Variants in PIAS4 observed in about 807,000 individuals in gnomAD.
PIAS4 encodes protein inhibitor of activated STAT 4.
PIAS4 carries 7 observed loss-of-function variants against 58.0 expected under a neutral mutation model. That is an observed-to-expected ratio of 0.12 (90% CI 0.07 to 0.23). The LOEUF (loss-of-function observed/expected upper bound fraction) is 0.23, where lower values mean the gene tolerates loss of function less well. PIAS4 is among the 10% of genes least tolerant of loss of function. The pLI, the probability that PIAS4 is intolerant of heterozygous loss-of-function variation, is 1.00. For synonymous variants in PIAS4, 364 were observed against 312.4 expected, an observed-to-expected ratio of 1.17 and a Z score of -1.74; for missense variants, 550 against 709.5, an observed-to-expected ratio of 0.78 and a Z score of 2.55.
At position 4,037,869 on chromosome 19, in the gene PIAS4, C is replaced by A. The variant is rs751420635; in HGVS notation, c.1527C>A (p.Ala509=). The A allele has an allele frequency of 4.5e-6, 7 of 1,566,058 alleles. No individual in the cohort carries two copies. In the African/African-American group the frequency reaches 9.4e-5, roughly 21 times the overall value. The change falls in exon 11 of 11, where the codon GCC becomes GCA. Residue 509 remains alanine (A), a synonymous_variant. Transcript: ENST00000262971. This position sits in a 1 kb window ranked among gnomAD's most constrained non-coding sequence, Gnocchi z 5.8. ...RCPFQKGLVP[A]C is the part of the protein sequence containing the mutation. ...CCTTCCAGAAGGGCCTGGTGCCGGC[C>A]TGCTGACCCCGGCCGCACACTCGAC...
In PIAS4 at chr19:4,013,094, G is replaced by A. The variant is rs553988056; in HGVS notation, c.199G>A (p.Ala67Thr). The A allele has an allele frequency of 2.9e-5, 46 of 1,613,394 alleles. No individual in the cohort carries two copies. The highest frequency in any genetic ancestry group is 1.6e-4 in the Middle Eastern group (1 of 6,062). The part of the protein sequence containing the change: ...KIKELYETRY[A>T]KKNSEPAPQP... ...CAAGGAGCTGTACGAGACCCGCTAC[G>A]CCAAGAAGAACTCGGAGCCTGCCCC... Residue 67 changes from alanine to threonine, a missense_variant, in exon 2 of 11, where the codon GCC becomes ACC. Ala to Thr is a moderately conservative substitution (Grantham distance 58). This residue lies in a region of PIAS4 where 95 missense variants were observed against 87.5 expected (regional missense o/e 1.09). Coordinates refer to ENST00000262971, the MANE Select transcript of PIAS4 (RefSeq NM_015897.4). The surrounding 1 kb of genome is among the most constrained non-coding windows in gnomAD (Gnocchi z 5.1).
At chr19:4,028,251 C>T in intron 4 of PIAS4, 64 bp downstream of exon 4, 1 of 1,396,830 alleles carries the variant, frequency 7.2e-7, no homozygotes, top group Non-Finnish European at 9.9e-7. Context: ...TCCCCGCCCC[C>T]CAGTCCTGGC....
At chr19:4,033,355 G>T in intron 8 of PIAS4, 65 bp from the exon 9 acceptor site, 1 of 1,463,944 alleles carries the variant, frequency 6.8e-7, no homozygotes, top group Non-Finnish European at 9.2e-7. Context: ...AGCTGGGGGT[G>T]AGGGGCACCG....
At chr19:4,026,030 T>C (rs1225052005) in intron 3 of PIAS4, among the ~76,000 whole-genome samples, 4 of 126,992 alleles carry the variant, frequency 3.1e-5, no homozygotes, top group Non-Finnish European at 6.3e-5. Flanking sequence ...GCCGAGATCC[T>C]GCCACTGCAC....
Position 4,013,537 on chromosome 19 carries a change from C to T in PIAS4, c.454+188C>T, listed in dbSNP as rs1317300145. Among the ~76,000 whole-genome samples the T allele has an allele frequency of 6.6e-6, 1 of 152,192 alleles. No homozygotes were observed. The highest frequency in any genetic ancestry group is 1.5e-5 in the Non-Finnish European group (1 of 68,026). ...CATCTTTGATATTGGTCACCCCTTG[C>T]TGTGTTACAAGTTACCCCGAAATGG... is the stretch of plus-strand genomic sequence containing the variant. On this transcript the variant is annotated intron_variant, in intron 2 of 10. Coordinates refer to ENST00000262971, the MANE Select transcript of PIAS4 (RefSeq NM_015897.4). The surrounding 1 kb of genome is among the most constrained non-coding windows in gnomAD (Gnocchi z 5.1).
In PIAS4 at chr19:4,028,660, G is replaced by A. The variant is rs1289773016; in HGVS notation, c.672+60G>A. On this transcript the variant is annotated intron_variant, in intron 5 of 10. Transcript: ENST00000262971. Reference sequence around the variant, plus strand: ...GTTTGGGGGGCGTGGAGGGAGGGTGGGGGCCGTCGGATTTCCCAGCCGCTC... The same window carrying A: ...GTTTGGGGGGCGTGGAGGGAGGGTGAGGGCCGTCGGATTTCCCAGCCGCTC... 7.5e-6 allele frequency: 12 copies of A among 1,604,432 alleles called. No homozygotes were observed. The African/African-American group carries it at 1.5e-4, about 20-fold the overall frequency.
At chr19:4,016,010 G>A (rs1048508421) in intron 2 of PIAS4, among the ~76,000 whole-genome samples, 4 of 152,218 alleles carry the variant, frequency 2.6e-5, no homozygotes, top group South Asian at 4.1e-4. Flanking sequence ...AGAACAGTGC[G>A]GAGAACGGCC....
chr19:4,033,631 T>A, intron 9 of PIAS4, 51 bp downstream of exon 9: 1 of 1,482,686 alleles, frequency 6.7e-7, no homozygotes, highest in Non-Finnish European at 9.1e-7. Flanking sequence ...TCCGTGGAGG[T>A]CTCGGTGGCA....
rs2040305907 is a variant in PIAS4, at chr19:4,037,081, C to A, written c.1143-293C>A. Among the ~76,000 whole-genome samples the A allele has an allele frequency of 6.6e-6, 1 of 152,252 alleles. No homozygotes were observed. The highest frequency in any genetic ancestry group is 1.5e-5 in the Non-Finnish European group (1 of 68,042). On this transcript the variant is annotated intron_variant, in intron 9 of 10. Coordinates refer to ENST00000262971, the MANE Select transcript of PIAS4 (RefSeq NM_015897.4). The surrounding 1 kb of genome is among the most constrained non-coding windows in gnomAD (Gnocchi z 5.8). ...GGCAGGGTGGGGAGGACCCCTGCAGCTGCCACACTCCCTGCTCTTGTGGGT... is the reference window on the plus strand; with the variant it reads ...GGCAGGGTGGGGAGGACCCCTGCAGATGCCACACTCCCTGCTCTTGTGGGT...
intron 7 of PIAS4, among the ~76,000 whole-genome samples, chr19:4,031,392 C>T (rs1401564070): frequency 6.6e-6 from 1 of 152,088 alleles, no homozygotes; most frequent in Non-Finnish European, 1.5e-5. Flanking sequence ...CTTGGCCAGC[C>T]TCCTCCAGGC....
rs566124258 is a variant in PIAS4 at position 4,028,095 on chromosome 19, C to T, written c.540-51C>T. On this transcript the variant is annotated intron_variant, in intron 3 of 10. Transcript: ENST00000262971. The stretch of plus-strand genomic sequence containing the variant: ...TTGTCGGGTGGGCTGGGGTCACGCC[C>T]TCCTCACTCAGCTCTCCTTTCCTTT... 3.2e-6 allele frequency: 5 copies of T among 1,585,432 alleles called. No individual in the cohort carries two copies. In the East Asian group the frequency reaches 1.1e-4, roughly 35 times the overall value.
At chr19:4,009,279 C>T (rs1400411203) in intron 1 of PIAS4, among the ~76,000 whole-genome samples, 3 of 152,170 alleles carry the variant, frequency 2.0e-5, no homozygotes, top group African/African-American at 4.8e-5. Flanking sequence ...CTCTCTTCGC[C>T]TCCCAACCCT....
At position 4,036,130 on chromosome 19, in the gene PIAS4, CCGT is replaced by C. The variant is rs1280456679; in HGVS notation, c.1143-1242_1143-1240del. Among the ~76,000 whole-genome samples, 8 of 131,158 alleles carry C rather than the reference CCGT, an allele frequency of 6.1e-5. 1 individual carries two copies. Among genetic ancestry groups the C allele is most frequent in the Non-Finnish European group, 1.4e-4 (8 of 57,226 alleles). 86.0% of individuals were successfully genotyped at this position (131,158 alleles called of 152,430 possible). On this transcript the variant is annotated intron_variant, in intron 9 of 10. Coordinates refer to ENST00000262971, the MANE Select transcript of PIAS4 (RefSeq NM_015897.4). ...CACACACACATCTATACAGTCCACA[CCGT>C]CACACATCCGTACAGTCCACACCGT... is the stretch of plus-strand genomic sequence containing the variant.
At chr19:4,010,210 T>C (rs2039979274) in intron 1 of PIAS4, among the ~76,000 whole-genome samples, 2 of 152,112 alleles carry the variant, frequency 1.3e-5, no homozygotes, top group African/African-American at 2.4e-5. Context: ...CTCCCTCCAG[T>C]GTCAAGGGCA....
At chr19:4,023,914 C>T (rs774270384) in intron 2 of PIAS4, 122 bp from the exon 3 acceptor site, 7 of 723,064 alleles carry the variant, frequency 9.7e-6, no homozygotes, top group African/African-American at 1.7e-5. Context: ...CCCCACATAT[C>T]TGTCCAGCCA....
At chr19:4,026,595 T>C (rs1270211128) in intron 3 of PIAS4, among the ~76,000 whole-genome samples, 5 of 152,112 alleles carry the variant, frequency 3.3e-5, no homozygotes, top group African/African-American at 1.2e-4. Context: ...CCACCCTTCA[T>C]CCACTGGCCC....
chr19:4,027,705 G>A (rs1224156347), intron 3 of PIAS4, among the ~76,000 whole-genome samples: 2 of 151,704 alleles, frequency 1.3e-5, no homozygotes, highest in African/African-American at 2.4e-5. Context: ...GACCACAGGT[G>A]TGCACCACCA....
At chr19:4,008,528 C>T (rs1252792064) in intron 1 of PIAS4, among the ~76,000 whole-genome samples, 2 of 152,196 alleles carry the variant, frequency 1.3e-5, no homozygotes, top group African/African-American at 2.4e-5. Context: ...CCTCCCTTTC[C>T]CTCCCCATAG....
intron 3 of PIAS4, 128 bp downstream of exon 3, chr19:4,024,248 C>T (rs1441701804): frequency 2.8e-6 from 2 of 711,466 alleles, no homozygotes; most frequent in African/African-American, 3.5e-5. Context: ...AACCGTGCTG[C>T]AAGGCAGTGG....
Sources: gnomAD v4.1 joint callset for allele counts (sites outside exome capture counted in the v4.1 genomes callset) on GRCh38, gnomAD v4.1.1 for gene constraint, gnomAD v4.1.1 regional missense constraint, Gnocchi (gnomAD v3.1) non-coding constraint, MANE v1.5 for transcripts, NCBI Gene and HGNC (gene_info 2026-07-23, HGNC 2026-07-21) for gene names.